SHMT1: variants seen among roughly 807,000 people sequenced by gnomAD.
SHMT1 encodes the protein serine hydroxymethyltransferase 1.
Under a neutral mutation model 49.0 loss-of-function variants are expected in SHMT1, and 45 were observed. The observed-to-expected ratio is 0.92, with a 90% confidence interval of 0.72 to 1.18. SHMT1 has a LOEUF of 1.18. SHMT1 is among the 50% of genes most tolerant of loss of function. The probability of loss-of-function intolerance (pLI) is 0.00; values close to 1 mark genes in which losing one functional copy is unlikely to be tolerated. For missense variants in SHMT1, 541 were observed against 612.4 expected (o/e 0.88, Z 1.23); for synonymous variants, 232 against 246.6 (o/e 0.94, Z 0.55).
chr17:18,347,395 C>A, intron 5 of SHMT1, 101 bp downstream of exon 5: 1 of 1,334,928 alleles, frequency 7.5e-7, no homozygotes, highest in Non-Finnish European at 1.1e-6. Flanking sequence ...GAGGTGGGGA[C>A]TTCCTGTAGT....
At chr17:18,347,722 C>T in intron 4 of SHMT1, 66 bp from the exon 5 acceptor site, 1 of 1,585,598 alleles carries the variant, frequency 6.3e-7, no homozygotes, top group African/African-American at 1.3e-5. Flanking sequence ...CATCCGGGAC[C>T]TTGGCCACTA....
intron 1 of SHMT1, among the ~76,000 whole-genome samples, chr17:18,360,799 G>C (rs772792975): frequency 6.6e-6 from 1 of 152,112 alleles, no homozygotes; most frequent in African/African-American, 2.4e-5. Context: ...TTGCACACCT[G>C]AAGTCTGGGG....
rs1424083414 is a variant in SHMT1, at chr17:18,328,690, G to A, written c.*60C>T. 12 of 1,536,722 alleles carry A rather than the reference G, an allele frequency of 7.8e-6. No homozygotes were observed. Among genetic ancestry groups the A allele is most frequent in the South Asian group, 1.2e-5 (1 of 83,850 alleles). On this transcript the variant is annotated 3_prime_UTR_variant, in exon 12 of 12. Coordinates refer to ENST00000316694, the MANE Select transcript of SHMT1 (RefSeq NM_004169.5). ...GCAGCTCATCCATCTCTCAGGTGGG[G>A]GTCCTCCGGCAGGCAGCTTCCTCTG...
At chr17:18,332,576 T>G in intron 9 of SHMT1, 1 of 177,802 alleles carries the variant, frequency 5.6e-6, no homozygotes, top group Non-Finnish European at 1.2e-5. Flanking sequence ...GCCAAAAAAA[T>G]GCGTTCTCCG....
chr17:18,334,517 G>A (rs183578217), intron 8 of SHMT1, among the ~76,000 whole-genome samples: 1 of 152,352 alleles, frequency 6.6e-6, no homozygotes, highest in Admixed American at 6.5e-5. Context: ...CTTGATGTGT[G>A]AAAACGATTA....
Position 18,333,219 on chromosome 17 carries a change from T to TC in SHMT1, c.1000_1001insG (p.Asn334ArgfsTer7). The TC allele has an allele frequency of 6.2e-7, 1 of 1,614,056 alleles. No individual in the cohort carries two copies. The highest frequency in any genetic ancestry group is 8.5e-7 in the Non-Finnish European group (1 of 1,179,964). On this transcript the variant is annotated frameshift_variant, in exon 9 of 12. Transcript: ENST00000316694. LOFTEE classifies it high-confidence loss of function. Reference sequence around the variant, plus strand: ...CAGGGCCTCAGACAGAGCCCTGCAGTTGGCCACCACCTGGTGTTGATAAAC... The same window carrying TC: ...CAGGGCCTCAGACAGAGCCCTGCAGTCTGGCCACCACCTGGTGTTGATAAAC...
Position 18,357,518 on chromosome 17 carries a change from T to C in SHMT1, c.-19-1518A>G, listed in dbSNP as rs147746786. Among the ~76,000 whole-genome samples the C allele has an allele frequency of 3.9e-3, 594 of 152,100 alleles. 10 individuals carry two copies. Among genetic ancestry groups the C allele is most frequent in the East Asian group, 4.1e-3 (21 of 5,170 alleles). The stretch of plus-strand genomic sequence containing the variant: ...ACCAGTAGTATTTTATAAATGATAA[T>C]GTAAGTACAGCAAATAGCACCTATT... On this transcript the variant is annotated intron_variant, in intron 1 of 11. Transcript: ENST00000316694.
chr17:18,347,592 C>A lies in SHMT1; in HGVS notation c.423G>T (p.Leu141=). The part of the protein sequence containing the change: ...LVEPHGRIMG[L]DLPDGGHLTH... ...TCAGGTGGCCCCCATCCGGAAGGTC[C>A]AGGCCCATGATGCGCCCATGGGGTT... Residue 141 remains leucine, a synonymous_variant, in exon 5 of 12, where the codon CTG becomes CTT. Coordinates refer to ENST00000316694, the MANE Select transcript of SHMT1 (RefSeq NM_004169.5). The A allele has an allele frequency of 6.2e-6, 10 of 1,614,178 alleles. No homozygotes were observed. Among genetic ancestry groups the A allele is most frequent in the Non-Finnish European group, 8.5e-6 (10 of 1,180,038 alleles).
chr17:18,360,163 C>T (rs1403774215), intron 1 of SHMT1, among the ~76,000 whole-genome samples: 3 of 151,468 alleles, frequency 2.0e-5, no homozygotes, highest in Non-Finnish European at 4.4e-5. Context: ...GTAGGAAAAT[C>T]GCTTGAACCC....
At chr17:18,347,398 C>T (rs1985193398) in intron 5 of SHMT1, 98 bp downstream of exon 5, 27 of 1,364,806 alleles carry the variant, frequency 2.0e-5, no homozygotes, top group Non-Finnish European at 2.7e-5. Flanking sequence ...GTGGGGACTT[C>T]CTGTAGTGAC....
chr17:18,339,694 G>A (rs1272809517), intron 7 of SHMT1, among the ~76,000 whole-genome samples: 1 of 152,092 alleles, frequency 6.6e-6, no homozygotes, highest in Non-Finnish European at 1.5e-5. Context: ...CTGAGTAGCT[G>A]GGACTACAGG....
intron 4 of SHMT1, 178 bp downstream of exon 4, chr17:18,348,147 C>T (rs906019535): frequency 6.2e-6 from 4 of 642,494 alleles, no homozygotes; most frequent in African/African-American, 1.8e-5. Context: ...CTTGAACTGC[C>T]GGCCTCAGGT....
chr17:18,331,081 G>C (rs1313491457), intron 9 of SHMT1: 4 of 344,952 alleles, frequency 1.2e-5, no homozygotes, highest in African/African-American at 8.6e-5. Context: ...GAGCACATTA[G>C]GTGCCAGACA....
Position 18,333,305 on chromosome 17 carries a change from A to G in SHMT1, c.932-17T>C. On this transcript the variant is annotated splice_polypyrimidine_tract_variant and intron_variant, in intron 8 of 11. Coordinates refer to ENST00000316694, the MANE Select transcript of SHMT1 (RefSeq NM_004169.5). ...CAGCAACCCCTGGACAAGAAGAGAC[A>G]ATGGGTCAGGAGGCTAGGATAGAAT... 1.9e-6 allele frequency: 3 copies of G among 1,612,356 alleles called. No homozygotes were observed. The highest frequency in any genetic ancestry group is 2.5e-6 in the Non-Finnish European group (3 of 1,179,660).
At chr17:18,351,843 C>T (rs1185074335) in intron 3 of SHMT1, among the ~76,000 whole-genome samples, 1 of 151,696 alleles carries the variant, frequency 6.6e-6, no homozygotes, top group Non-Finnish European at 1.5e-5. Flanking sequence ...TGTGGTTTTT[C>T]GGGGTTTTTT....
intron 2 of SHMT1, among the ~76,000 whole-genome samples, chr17:18,354,830 G>A (rs570826562): frequency 1.3e-5 from 2 of 148,810 alleles, no homozygotes; most frequent in Admixed American, 1.4e-4. Flanking sequence ...ACGAGGTCAG[G>A]AGATCAAGAT....
intron 3 of SHMT1, chr17:18,348,724 C>G (rs1423490304): frequency 1.1e-5 from 6 of 543,964 alleles, no homozygotes; most frequent in South Asian, 8.4e-5. Flanking sequence ...CCTATAATCC[C>G]AGCACTTTGA....
intron 1 of SHMT1, among the ~76,000 whole-genome samples, chr17:18,358,942 G>C (rs998876343): frequency 1.3e-5 from 2 of 151,696 alleles, no homozygotes; most frequent in African/African-American, 4.8e-5. Flanking sequence ...GGACTTGTTT[G>C]AATATAAATC....
intron 5 of SHMT1, among the ~76,000 whole-genome samples, chr17:18,345,040 G>C (rs1202515370): frequency 6.6e-6 from 1 of 152,136 alleles, no homozygotes; most frequent in Admixed American, 6.6e-5. Context: ...ATGCCAATAA[G>C]GTCTGTCTCC....
Sources: allele counts gnomAD v4.1 joint callset (sites outside exome capture counted in the v4.1 genomes callset), GRCh38; gene constraint gnomAD v4.1.1; transcripts MANE v1.5; gene names NCBI Gene and HGNC (gene_info 2026-07-23, HGNC 2026-07-21).